The following COL4A3 variants were observed in gnomAD, a reference collection of about 807,000 sequenced individuals.
The protein encoded by COL4A3 is collagen alpha-3(IV) chain.
Under a neutral mutation model 217.4 loss-of-function variants are expected in COL4A3, and 135 were observed. The observed-to-expected ratio is 0.62, with a 90% CI of 0.54 to 0.72. The LOEUF is 0.72. COL4A3 is among the 30% of genes least tolerant of loss of function. The pLI is 0.00. For missense variants in COL4A3, 1,868 were observed against 2,119.9 expected, an observed-to-expected ratio of 0.88 and a Z score of 2.33; for synonymous variants, 690 against 736.3, an observed-to-expected ratio of 0.94 and a Z score of 1.02.
intron 1 of COL4A3, among the ~76,000 whole-genome samples, chr2:227,180,867 A>G (rs1456398181): frequency 1.3e-5 from 2 of 152,240 alleles, no homozygotes; most frequent in African/African-American, 4.8e-5. Context: ...GTGACCTAGT[A>G]TCAACTTCCT....
At chr2:227,256,480 C>T in intron 17 of COL4A3, 84 bp downstream of exon 17, 3 of 1,053,156 alleles carry the variant, frequency 2.8e-6, no homozygotes, top group Non-Finnish European at 3.0e-6. Context: ...GACCTAAGTA[C>T]AAGGGATTAC....
intron 28 of COL4A3, among the ~76,000 whole-genome samples, chr2:227,279,255 TG>T (rs2071788259): frequency 6.6e-6 from 1 of 151,750 alleles, no homozygotes; most frequent in Non-Finnish European, 1.5e-5. Flanking sequence ...GTTTTTTTGT[TG>T]TTGTTTTTTT....
At chr2:227,254,251 C>T in intron 14 of COL4A3, 77 bp downstream of exon 14, 1 of 1,322,090 alleles carries the variant, frequency 7.6e-7, no homozygotes, top group Non-Finnish European at 1.1e-6. Context: ...TGTGTTTTGT[C>T]TTAAGTTGTT....
intron 21 of COL4A3, chr2:227,265,465 A>T (rs1452741937): frequency 1.3e-5 from 2 of 152,226 alleles, no homozygotes; most frequent in African/African-American, 2.4e-5. Flanking sequence ...AAAGCCAAAA[A>T]TTAGATTACT....
chr2:227,280,929 G>C lies in COL4A3; in HGVS notation c.2411G>C (p.Gly804Ala). The change falls in exon 31 of 52, where the codon GGA becomes GCA. Residue 804 changes from glycine to alanine, a missense_variant. Around this residue, in one of 2 missense-constraint regions of COL4A3, gnomAD observed 1,503 missense variants for 1,786.1 expected, o/e 0.84. Coordinates refer to ENST00000396578, the MANE Select transcript of COL4A3 (RefSeq NM_000091.5). ...PGQPGPPGEQ[G>A]PPGRCIEGPR... ...CAGCCTGGACCACCTGGAGAACAAGGACCCCCAGGAAGGTGCATAGAGGGT... is the reference window on the plus strand; with the variant it reads ...CAGCCTGGACCACCTGGAGAACAAGCACCCCCAGGAAGGTGCATAGAGGGT... The C allele has an allele frequency of 6.4e-7, 1 of 1,564,278 alleles. No individual in the cohort carries two copies. Among genetic ancestry groups the C allele is most frequent in the South Asian group, 1.2e-5 (1 of 84,668 alleles).
chr2:227,211,722 A>G (rs1407801194), intron 1 of COL4A3, among the ~76,000 whole-genome samples: 1 of 151,840 alleles, frequency 6.6e-6, no homozygotes, highest in Non-Finnish European at 1.5e-5. Flanking sequence ...CAGTGGTGCA[A>G]TCTCGGCTCA....
intron 1 of COL4A3, among the ~76,000 whole-genome samples, chr2:227,202,133 G>A (rs921091167): frequency 1.3e-5 from 2 of 152,090 alleles, no homozygotes; most frequent in African/African-American, 2.4e-5. Flanking sequence ...TATTAAGTAC[G>A]GGTTCATTAG....
chr2:227,236,316 A>G (rs1167070416), intron 1 of COL4A3, among the ~76,000 whole-genome samples: 2 of 152,224 alleles, frequency 1.3e-5, no homozygotes, highest in Non-Finnish European at 2.9e-5. Context: ...GATGAGTGTC[A>G]AATGATGAAT....
intron 1 of COL4A3, among the ~76,000 whole-genome samples, chr2:227,173,793 T>C (rs958404092): frequency 6.6e-6 from 1 of 152,264 alleles, no homozygotes; most frequent in Middle Eastern, 3.2e-3. Context: ...ATTAATGAGA[T>C]ATTTTACAGA....
At chr2:227,256,092 T>C (rs781138297) in intron 16 of COL4A3, 22 bp downstream of exon 16, 13 of 1,610,234 alleles carry the variant, frequency 8.1e-6, no homozygotes, top group East Asian at 2.2e-5. Flanking sequence ...ATTTGGCCTA[T>C]GGAGGTAGTA....
chr2:227,249,891 T>C (rs1374158530), intron 9 of COL4A3, among the ~76,000 whole-genome samples: 1 of 152,226 alleles, frequency 6.6e-6, no homozygotes, highest in Non-Finnish European at 1.5e-5. Flanking sequence ...TATGTATTAG[T>C]CATTGTGATG....
intron 1 of COL4A3, among the ~76,000 whole-genome samples, chr2:227,202,970 T>G (rs1303152691): frequency 2.9e-5 from 1 of 34,910 alleles, no homozygotes; most frequent in African/African-American, 1.6e-4. Flanking sequence ...TGTGTATATA[T>G]GTGTATATAT....
intron 3 of COL4A3, 55 bp from the exon 4 acceptor site, chr2:227,244,265 T>A: frequency 6.6e-7 from 1 of 1,511,222 alleles, no homozygotes; most frequent in East Asian, 2.3e-5. Context: ...TATGGGTTTC[T>A]TAGTGCCAAA....
At chr2:227,177,331 A>AT (rs751003460) in intron 1 of COL4A3, among the ~76,000 whole-genome samples, 1 of 149,668 alleles carries the variant, frequency 6.7e-6, no homozygotes, top group African/African-American at 2.5e-5. Flanking sequence ...TTTTTTTCGT[A>AT]TTTTTAATAG....
At chr2:227,235,491 G>T (rs1167202802) in intron 1 of COL4A3, among the ~76,000 whole-genome samples, 3 of 152,118 alleles carry the variant, frequency 2.0e-5, no homozygotes, top group Non-Finnish European at 2.9e-5. Context: ...GGTGGTGTTT[G>T]GTTACATGGA....
chr2:227,210,021 A>T (rs2067252189), intron 1 of COL4A3, among the ~76,000 whole-genome samples: 2 of 152,210 alleles, frequency 1.3e-5, no homozygotes, highest in African/African-American at 4.8e-5. Flanking sequence ...ATAATACAAC[A>T]CACTTATAAG....
In COL4A3 at chr2:227,311,988, TACAAAGTTTCAATTTGTTTCCCC is replaced by T. The variant is rs1192989594; in HGVS notation, c.*124_*146del. 1 of 1,511,034 alleles carries T rather than the reference TACAAAGTTTCAATTTGTTTCCCC, an allele frequency of 6.6e-7. No individual in the cohort carries two copies. The highest frequency in any genetic ancestry group is 9.0e-7 in the Non-Finnish European group (1 of 1,116,836). The allele number at this position is 1,511,034 out of a possible 1,614,324, so 93.6% of individuals were successfully genotyped here. ...ACAATATTGCTCCATGATGACTTAG[TACAAAGTTTCAATTTGTTTCCCC>T]ACAAAACAAAGCAATTCTTTCAAGT... On this transcript the variant is annotated 3_prime_UTR_variant, in exon 52 of 52. Coordinates refer to ENST00000396578, the MANE Select transcript of COL4A3 (RefSeq NM_000091.5).
intron 1 of COL4A3, among the ~76,000 whole-genome samples, chr2:227,231,220 T>G (rs902186296): frequency 2.0e-5 from 3 of 152,284 alleles, no homozygotes; most frequent in Admixed American, 1.3e-4. Context: ...CAGTCAAGCC[T>G]TTCACAATGG....
At chr2:227,270,345 T>C (rs969644563) in intron 24 of COL4A3, among the ~76,000 whole-genome samples, 6 of 152,180 alleles carry the variant, frequency 3.9e-5, no homozygotes, top group African/African-American at 9.7e-5. Context: ...TGTACTCTTA[T>C]AAAGGAGAAA....
Sources: allele counts gnomAD v4.1 joint callset (sites outside exome capture counted in the v4.1 genomes callset), GRCh38; gene constraint gnomAD v4.1.1; regional missense constraint gnomAD v4.1.1; transcripts MANE v1.5; gene names NCBI Gene and HGNC (gene_info 2026-07-23, HGNC 2026-07-21).